The following ZBTB43 variants were observed in gnomAD, a reference collection of about 807,000 sequenced individuals.
The protein encoded by ZBTB43 is zinc finger and BTB domain containing 43.
ZBTB43 carries 6 observed loss-of-function variants against 31.1 expected under a neutral mutation model. The observed-to-expected ratio is 0.19, with a 90% CI of 0.11 to 0.38. The LOEUF (loss-of-function observed/expected upper bound fraction) is 0.38. ZBTB43 is among the 10% of genes least tolerant of loss of function. ZBTB43 has a pLI of 1.00. For missense variants in ZBTB43, 379 were observed against 602.1 expected (o/e 0.63, Z 3.88); for synonymous variants, 212 against 221.7 (o/e 0.96, Z 0.39).
intron 2 of ZBTB43, among the ~76,000 whole-genome samples, chr9:126,829,141 A>G (rs976633015): frequency 1.3e-5 from 2 of 152,154 alleles, no homozygotes; most frequent in African/African-American, 2.4e-5. Context: ...TAGTTTGGTA[A>G]TATGTATCAG....
chr9:126,815,804 A>T (rs1286173126), intron 2 of ZBTB43, among the ~76,000 whole-genome samples: 8 of 146,538 alleles, frequency 5.5e-5, no homozygotes, highest in Non-Finnish European at 9.0e-5. Context: ...ATTGATTCCC[A>T]CCCCCACCTC....
In ZBTB43 at chr9:126,832,880, A is replaced by C. The variant is rs1270867863; in HGVS notation, c.371A>C (p.Glu124Ala). Reference sequence around the variant, plus strand: ...GTAGACAAATGCACTGAAGTTTTAGAGGGAAACCCTACAGTCCTTTGTCAG... The same window carrying C: ...GTAGACAAATGCACTGAAGTTTTAGCGGGAAACCCTACAGTCCTTTGTCAG... ...HVVDKCTEVL[E>A]GNPTVLCQKL... Residue 124 changes from glutamate to alanine, a missense_variant, in exon 3 of 3, where the codon GAG (glutamate) becomes GCG (alanine). Around this residue, in one of 5 missense-constraint regions of ZBTB43, gnomAD observed 253 missense variants for 322.3 expected, o/e 0.79. Coordinates refer to ENST00000373464, the MANE Select transcript of ZBTB43 (RefSeq NM_014007.4). 1.9e-6 allele frequency: 3 copies of C among 1,614,010 alleles called. No homozygotes were observed.
chr9:126,820,641 A>G (rs949925800), intron 2 of ZBTB43, among the ~76,000 whole-genome samples: 1 of 152,178 alleles, frequency 6.6e-6, no homozygotes, highest in African/African-American at 2.4e-5. Context: ...TGGACCAAGG[A>G]GTAATTTCAA....
Position 126,836,402 on chromosome 9 carries a change from T to C in ZBTB43, c.*2489T>C, listed in dbSNP as rs1317516074. 6.0e-6 allele frequency: 1 copy of C among 167,060 alleles called. No individual in the cohort carries two copies. The highest frequency in any genetic ancestry group is 1.5e-5 in the Non-Finnish European group (1 of 68,114). 10.3% of individuals were successfully genotyped at this position (167,060 alleles called of 1,614,324 possible). On this transcript the variant is annotated 3_prime_UTR_variant, in exon 3 of 3. Coordinates refer to ENST00000373464, the MANE Select transcript of ZBTB43 (RefSeq NM_014007.4). ...TCACATCTGTTCTTTTAGTGTTTTG[T>C]GGTATTTGAGGTTTTGGCAAAAATT...
At chr9:126,816,788 A>G (rs2032395124) in intron 2 of ZBTB43, among the ~76,000 whole-genome samples, 1 of 152,162 alleles carries the variant, frequency 6.6e-6, no homozygotes, top group Non-Finnish European at 1.5e-5. Context: ...TGAAATTGGG[A>G]TACTAGGACC....
intron 2 of ZBTB43, among the ~76,000 whole-genome samples, chr9:126,821,646 T>C (rs963682188): frequency 2.6e-5 from 4 of 152,286 alleles, no homozygotes; most frequent in Non-Finnish European, 4.4e-5. Context: ...ATGGTAAAAC[T>C]TGAGTGGATG....
chr9:126,811,932 C>T (rs1011723243), intron 2 of ZBTB43, among the ~76,000 whole-genome samples: 1 of 152,138 alleles, frequency 6.6e-6, no homozygotes, highest in Non-Finnish European at 1.5e-5. Context: ...CCACATTACT[C>T]TTTTTTAAAC....
chr9:126,810,094 C>A (rs1341759637), intron 2 of ZBTB43, among the ~76,000 whole-genome samples: 1 of 152,128 alleles, frequency 6.6e-6, no homozygotes, highest in Non-Finnish European at 1.5e-5. Flanking sequence ...CTCAGCCTCC[C>A]AAAGTGCTGG....
intron 2 of ZBTB43, among the ~76,000 whole-genome samples, chr9:126,814,215 A>T (rs968535154): frequency 1.5e-5 from 1 of 66,490 alleles, no homozygotes; most frequent in African/African-American, 5.7e-5. Flanking sequence ...CACAGAGTAA[A>T]CTTCATTGTG....
At chr9:126,828,190 TA>T (rs199773471) in intron 2 of ZBTB43, among the ~76,000 whole-genome samples, 31 of 151,470 alleles carry the variant, frequency 2.0e-4, no homozygotes, top group African/African-American at 6.8e-4. Context: ...ATTATTTATT[TA>T]TTTTTTTTTT....
At chr9:126,828,027 A>G (rs576027494) in intron 2 of ZBTB43, among the ~76,000 whole-genome samples, 1 of 152,214 alleles carries the variant, frequency 6.6e-6, no homozygotes, top group South Asian at 2.1e-4. Flanking sequence ...CAAAAAAAAA[A>G]GAATTCCACA....
chr9:126,810,806 G>A (rs900003470), intron 2 of ZBTB43, among the ~76,000 whole-genome samples: 41 of 151,728 alleles, frequency 2.7e-4, no homozygotes, highest in African/African-American at 9.9e-4. Flanking sequence ...CCTGGCTTGG[G>A]CCATCTTAAG....
At chr9:126,815,272 CTA>C (rs1272445528) in intron 2 of ZBTB43, among the ~76,000 whole-genome samples, 974 of 17,012 alleles carry the variant, frequency 0.057, 69 homozygotes, top group African/African-American at 0.11. Context: ...ATATATAAAA[CTA>C]TATATATATA....
At chr9:126,828,030 A>G (rs1284647205) in intron 2 of ZBTB43, among the ~76,000 whole-genome samples, 3 of 152,108 alleles carry the variant, frequency 2.0e-5, no homozygotes, top group Non-Finnish European at 2.9e-5. Flanking sequence ...AAAAAAAAGA[A>G]TTCCACAAAG....
intron 2 of ZBTB43, among the ~76,000 whole-genome samples, chr9:126,811,894 G>A (rs1382894547): frequency 6.6e-6 from 1 of 152,168 alleles, no homozygotes; most frequent in East Asian, 1.9e-4. Context: ...GAAGTGCTGG[G>A]ATTACAGGCG....
Position 126,834,183 on chromosome 9 carries a change from G to A in ZBTB43, c.*270G>A, listed in dbSNP as rs1253184167. The A allele has an allele frequency of 6.2e-6, 2 of 324,586 alleles. No homozygotes were observed. The highest frequency in any genetic ancestry group is 1.2e-5 in the Non-Finnish European group (2 of 166,864). 20.1% of individuals were successfully genotyped at this position (324,586 alleles called of 1,614,324 possible). ...GGAAACCTTCTGACTGGTTGTGATC[G>A]AAACAGGTGGACAGAGACACCTGCA... On this transcript the variant is annotated 3_prime_UTR_variant, in exon 3 of 3. Transcript: ENST00000373464.
chr9:126,828,558 C>A (rs1479931300), intron 2 of ZBTB43, among the ~76,000 whole-genome samples: 2 of 148,528 alleles, frequency 1.3e-5, no homozygotes, highest in Non-Finnish European at 3.0e-5. Context: ...TCTGGGAGGC[C>A]GAGGCGGGAG....
chr9:126,831,796 CA>C lies in ZBTB43; in HGVS notation c.-23-679del, dbSNP rs879340015. 3.3e-3 allele frequency: 470 copies of C among 140,656 alleles called. 1 individual carries two copies. The highest frequency in any genetic ancestry group is 4.6e-3 in the Non-Finnish European group (293 of 64,200). 8.7% of individuals were successfully genotyped at this position (140,656 alleles called of 1,614,324 possible). A position where few individuals can be genotyped will look rare whatever the true frequency, so the allele number is the denominator to read the frequency against. On this transcript the variant is annotated intron_variant, in intron 2 of 2. Coordinates refer to ENST00000373464, the MANE Select transcript of ZBTB43 (RefSeq NM_014007.4). ...TGAAACCCCATCTCTACTAAAAATA[CA>C]AAAAAAAAAAATTAACCAGGTGTAG...
At position 126,815,498 on chromosome 9, in the gene ZBTB43, CT is replaced by C. The variant is rs982546146; in HGVS notation, c.-24+6592del. ...GATACTCTATTCCCTTTTTATTTGC[CT>C]TTTTTTTTCCTCTGTATGTTTTATT... is the stretch of plus-strand genomic sequence containing the variant. On this transcript the variant is annotated intron_variant, in intron 2 of 2. Coordinates refer to ENST00000373464, the MANE Select transcript of ZBTB43 (RefSeq NM_014007.4). 1.6e-4 allele frequency among the ~76,000 whole-genome samples: 24 copies of C among 149,360 alleles called. No homozygotes were observed. The East Asian group carries it at 2.7e-3, about 17-fold the overall frequency.
Sources: allele counts gnomAD v4.1 joint callset (sites outside exome capture counted in the v4.1 genomes callset), GRCh38; gene constraint gnomAD v4.1.1; regional missense constraint gnomAD v4.1.1; transcripts MANE v1.5; gene names NCBI Gene and HGNC (gene_info 2026-07-23, HGNC 2026-07-21).